CNTN4: variants seen among roughly 807,000 people sequenced by gnomAD.
The protein encoded by CNTN4 is contactin 4.
CNTN4 carries 77 observed loss-of-function variants against 122.5 expected under a neutral mutation model. The observed-to-expected ratio is 0.63, with a 90% confidence interval of 0.52 to 0.76. CNTN4 has a LOEUF of 0.76. Ranked by LOEUF, CNTN4 falls within the 30% of genes least tolerant of loss-of-function variation. The pLI is 0.00. For synonymous variants in CNTN4, 512 were observed against 447.0 expected (o/e 1.15, Z -1.83); for missense variants, 1,256 against 1,259.1 (o/e 1.00, Z 0.04).
intron 2 of CNTN4, among the ~76,000 whole-genome samples, chr3:2,294,151 C>T (rs1272888929): frequency 6.6e-6 from 1 of 152,196 alleles, no homozygotes; most frequent in Non-Finnish European, 1.5e-5. Context: ...CCAGCCTTAG[C>T]TCTTGTGCAG....
rs112083936 is a variant in CNTN4 at position 2,299,351 on chromosome 3, C to T, written c.-144-39827C>T. ...AACTCATTATTTTTTATTTGGGGTA[C>T]GAGTGTTTTTTGGTGACATGGATGA... is the stretch of plus-strand genomic sequence containing the variant. On this transcript the variant is annotated intron_variant, in intron 2 of 24. Transcript: ENST00000418658. Among the ~76,000 whole-genome samples the T allele has an allele frequency of 6.2e-3, 937 of 151,994 alleles. 9 individuals carry two copies. The highest frequency in any genetic ancestry group is 0.021 in the African/African-American group (884 of 41,452).
intron 15 of CNTN4, among the ~76,000 whole-genome samples, chr3:3,029,061 C>T (rs1018791462): frequency 6.6e-6 from 1 of 152,144 alleles, no homozygotes; most frequent in African/African-American, 2.4e-5. Flanking sequence ...GTAATAGCTC[C>T]TTAATCCTCA....
intron 2 of CNTN4, among the ~76,000 whole-genome samples, chr3:2,322,492 A>C (rs140594868): frequency 1.8e-3 from 273 of 152,310 alleles, no homozygotes; most frequent in African/African-American, 6.1e-3. Flanking sequence ...CAGAGTAGTT[A>C]AATTCAGCAA....
intron 18 of CNTN4, among the ~76,000 whole-genome samples, 197 bp from the exon 19 acceptor site, chr3:3,038,733 TTAA>T (rs1337700178): frequency 2.0e-5 from 3 of 152,154 alleles, no homozygotes; most frequent in African/African-American, 7.2e-5. Flanking sequence ...AAACAGGTAA[TTAA>T]TAGCAGTCTC....
At chr3:2,165,209 G>T (rs1173037190) in intron 2 of CNTN4, among the ~76,000 whole-genome samples, 2 of 151,956 alleles carry the variant, frequency 1.3e-5, no homozygotes, top group Admixed American at 6.6e-5. Context: ...TGTAATCCCA[G>T]CTACTCCAGA....
chr3:2,275,919 C>CAAAAAAAAAAAA (rs767326367), intron 2 of CNTN4, among the ~76,000 whole-genome samples: 2 of 107,062 alleles, frequency 1.9e-5, no homozygotes, highest in African/African-American at 4.0e-5. Flanking sequence ...GACTCTGTCT[C>CAAAAAAAAAAAA]AAAAAAAAAA....
chr3:2,315,033 A>G (rs1394638066), intron 2 of CNTN4, among the ~76,000 whole-genome samples: 1 of 152,072 alleles, frequency 6.6e-6, no homozygotes, highest in Non-Finnish European at 1.5e-5. Flanking sequence ...AAGAGTTTTT[A>G]ATTTAAATAA....
chr3:2,788,971 CT>C (rs200076619), intron 6 of CNTN4, among the ~76,000 whole-genome samples: 2 of 151,668 alleles, frequency 1.3e-5, no homozygotes, highest in East Asian at 1.9e-4. Flanking sequence ...TTCTATCTGT[CT>C]TTTTTTTTCT....
chr3:2,289,643 T>C (rs1344446957), intron 2 of CNTN4, among the ~76,000 whole-genome samples: 1 of 152,188 alleles, frequency 6.6e-6, no homozygotes, highest in East Asian at 1.9e-4. Flanking sequence ...GGATTTTTTT[T>C]TACTTTGGGC....
In CNTN4 at chr3:3,055,156, A is replaced by G. The variant is rs1344612619; in HGVS notation, c.2981-964A>G. On this transcript the variant is annotated intron_variant, in intron 24 of 24. Transcript: ENST00000418658. ...TTTGTCTTAAAAGGGGGACAATTGG[A>G]TTATACTTTATCAAACAAAGCCTCT... Among the ~76,000 whole-genome samples the G allele has an allele frequency of 3.3e-5, 5 of 152,240 alleles. No individual in the cohort carries two copies. The East Asian group carries it at 7.7e-4, about 24-fold the overall frequency.
intron 3 of CNTN4, among the ~76,000 whole-genome samples, chr3:2,431,862 G>A (rs2048085150): frequency 6.6e-6 from 1 of 152,070 alleles, no homozygotes; most frequent in Non-Finnish European, 1.5e-5. Context: ...TATACAAGGA[G>A]GTTATTTATG....
chr3:2,203,612 C>G (rs1289789545), intron 2 of CNTN4, among the ~76,000 whole-genome samples: 1 of 152,068 alleles, frequency 6.6e-6, no homozygotes, highest in African/African-American at 2.4e-5. Flanking sequence ...TGTACCTGCT[C>G]CAGTACGTTC....
intron 3 of CNTN4, among the ~76,000 whole-genome samples, chr3:2,339,828 C>T (rs1443585405): frequency 6.6e-6 from 1 of 152,194 alleles, no homozygotes; most frequent in Non-Finnish European, 1.5e-5. Flanking sequence ...TATTCTCTCA[C>T]ATTTGTGGAA....
intron 3 of CNTN4, among the ~76,000 whole-genome samples, chr3:2,374,421 A>G (rs537992996): frequency 4.6e-5 from 7 of 152,354 alleles, no homozygotes; most frequent in Middle Eastern, 6.8e-3. Flanking sequence ...CTCTGTGTAT[A>G]TTAAGAGTTT....
chr3:2,944,729 G>A (rs573429142), intron 13 of CNTN4, among the ~76,000 whole-genome samples: 1 of 152,232 alleles, frequency 6.6e-6, no homozygotes, highest in South Asian at 2.1e-4. Context: ...CTTGTCTAAG[G>A]CTACTGCTAC....
At chr3:2,546,150 A>T (rs1438551113) in intron 3 of CNTN4, among the ~76,000 whole-genome samples, 1 of 152,122 alleles carries the variant, frequency 6.6e-6, no homozygotes, top group African/African-American at 2.4e-5. Flanking sequence ...CATTTGACTC[A>T]GCAGTCCCAT....
At chr3:2,526,306 G>T (rs1305575002) in intron 3 of CNTN4, among the ~76,000 whole-genome samples, 1 of 152,064 alleles carries the variant, frequency 6.6e-6, no homozygotes, top group Non-Finnish European at 1.5e-5. Flanking sequence ...AAAAGAAGCT[G>T]GTATTTCTGC....
At chr3:2,353,739 C>G (rs1240953193) in intron 3 of CNTN4, among the ~76,000 whole-genome samples, 1 of 152,076 alleles carries the variant, frequency 6.6e-6, no homozygotes, top group African/African-American at 2.4e-5. Flanking sequence ...ACTAAAAACA[C>G]AAAAACAAAA....
At chr3:2,979,236 G>T (rs1693724228) in intron 13 of CNTN4, among the ~76,000 whole-genome samples, 2 of 152,140 alleles carry the variant, frequency 1.3e-5, no homozygotes, top group African/African-American at 4.8e-5. Flanking sequence ...GTGGGGGAAA[G>T]TTTCTTTCTG....
Sources: allele counts gnomAD v4.1 joint callset (sites outside exome capture counted in the v4.1 genomes callset), GRCh38; gene constraint gnomAD v4.1.1; transcripts MANE v1.5; gene names NCBI Gene and HGNC (gene_info 2026-07-23, HGNC 2026-07-21).